Variants in NAV2 observed in about 807,000 individuals in gnomAD.
NAV2 encodes the protein helicase, APC down-regulated 1.
A neutral mutation model predicts 223.2 loss-of-function variants in NAV2; 54 were observed. The ratio of observed to expected loss-of-function variants is 0.24; its 90% CI spans 0.19 to 0.30. The LOEUF (loss-of-function observed/expected upper bound fraction) is 0.30, where lower values mean the gene tolerates loss of function less well. NAV2 is among the 10% of genes least tolerant of loss of function. The probability of loss-of-function intolerance (pLI) is 1.00; values close to 1 mark genes in which losing one functional copy is unlikely to be tolerated. For missense variants in NAV2, 2,806 were observed against 3,147.5 expected, an observed-to-expected ratio of 0.89 and a Z score of 2.60; for synonymous variants, 1,279 against 1,239.3, an observed-to-expected ratio of 1.03 and a Z score of -0.67.
At chr11:19,455,293 A>G (rs1189233643) in intron 1 of NAV2, among the ~76,000 whole-genome samples, 1 of 152,310 alleles carries the variant, frequency 6.6e-6, no homozygotes, top group East Asian at 1.9e-4. Flanking sequence ...TGGAAAAGTG[A>G]TGGGTTGGAA....
chr11:19,833,309 G>T (rs566746240), intron 2 of NAV2, among the ~76,000 whole-genome samples: 1 of 152,188 alleles, frequency 6.6e-6, no homozygotes, highest in African/African-American at 2.4e-5. Flanking sequence ...CAAGGGAGAA[G>T]GTGCAAGGAG....
chr11:20,068,285 A>G (rs781127821), intron 21 of NAV2, 39 bp from the exon 22 acceptor site: 1 of 1,610,678 alleles, frequency 6.2e-7, no homozygotes, highest in Non-Finnish European at 8.5e-7. Flanking sequence ...TTGGAAATGG[A>G]CCCCCAAAGC....
At chr11:19,467,012 CACACACAGAGAGAG>C (rs1852382750) in intron 1 of NAV2, among the ~76,000 whole-genome samples, 1 of 134,374 alleles carries the variant, frequency 7.4e-6, no homozygotes, top group Non-Finnish European at 1.6e-5. Context: ...CACACACACA[CACACACAGAGAGAG>C]AGAGAGAGAG....
At chr11:19,420,062 C>T (rs1354373946) in intron 1 of NAV2, among the ~76,000 whole-genome samples, 2 of 152,150 alleles carry the variant, frequency 1.3e-5, no homozygotes, top group Non-Finnish European at 2.9e-5. Context: ...ACTACGCCCA[C>T]GTTACTGTCT....
At chr11:19,830,092 G>A (rs1032959181) in intron 1 of NAV2, among the ~76,000 whole-genome samples, 11 of 152,134 alleles carry the variant, frequency 7.2e-5, no homozygotes, top group Non-Finnish European at 1.5e-4. Flanking sequence ...AAGCGTGGTG[G>A]CATGCACCTG....
Position 19,900,078 on chromosome 11 carries a change from A to C in NAV2, c.931+7484A>C, listed in dbSNP as rs1053020325. The stretch of plus-strand genomic sequence containing the variant: ...GTGATGTTATTATGACCTTCTAGCT[A>C]GTACCCATAGTTGTCAAAGGGCTTA... On this transcript the variant is annotated intron_variant, in intron 6 of 37. Transcript: ENST00000349880. Among the ~76,000 whole-genome samples the C allele has an allele frequency of 8.5e-5, 13 of 152,284 alleles. No homozygotes were observed. The East Asian group carries it at 2.5e-3, about 29-fold the overall frequency.
At chr11:19,926,235 A>G (rs934512780) in intron 6 of NAV2, among the ~76,000 whole-genome samples, 1 of 152,240 alleles carries the variant, frequency 6.6e-6, no homozygotes, top group African/African-American at 2.4e-5. Context: ...TAGACTTTCT[A>G]GAAGCATATG....
At chr11:19,904,873 C>T (rs553961723) in intron 6 of NAV2, among the ~76,000 whole-genome samples, 4 of 152,032 alleles carry the variant, frequency 2.6e-5, no homozygotes, top group Non-Finnish European at 5.9e-5. Context: ...CTTACAATAG[C>T]CGGTAGGTTG....
At position 20,106,642 on chromosome 11, in the gene NAV2, T is replaced by C. The variant is rs564858336; in HGVS notation, c.6841+915T>C. ...TACTCAGTTGTTGTTTTTGTTTTTGTTTTTGTTTTTGTTTTTTGAGACAGA... is the reference window on the plus strand; with the variant it reads ...TACTCAGTTGTTGTTTTTGTTTTTGCTTTTGTTTTTGTTTTTTGAGACAGA... On this transcript the variant is annotated intron_variant, in intron 35 of 37. Coordinates refer to ENST00000349880, the MANE Select transcript of NAV2 (RefSeq NM_145117.5). Among the ~76,000 whole-genome samples the C allele has an allele frequency of 1.6e-4, 25 of 151,888 alleles. No homozygotes were observed. The South Asian group carries it at 2.1e-3, about 13-fold the overall frequency.
chr11:19,687,792 TG>T (rs2049065364), intron 1 of NAV2, among the ~76,000 whole-genome samples: 2 of 152,086 alleles, frequency 1.3e-5, no homozygotes, highest in East Asian at 1.9e-4. Context: ...TGCGTGTGTG[TG>T]TGTGTGTGTG....
intron 1 of NAV2, among the ~76,000 whole-genome samples, chr11:19,485,963 T>C (rs1396639169): frequency 6.6e-6 from 1 of 152,138 alleles, no homozygotes; most frequent in African/African-American, 2.4e-5. Flanking sequence ...CAGAAATGAA[T>C]GCAAGAGCCT....
At chr11:19,608,995 T>G (rs1457840064) in intron 1 of NAV2, among the ~76,000 whole-genome samples, 1 of 152,240 alleles carries the variant, frequency 6.6e-6, no homozygotes, top group Non-Finnish European at 1.5e-5. Context: ...TTCTGCCTTC[T>G]TCTCCCATCT....
intron 1 of NAV2, among the ~76,000 whole-genome samples, chr11:19,392,169 A>G (rs1041303369): frequency 6.6e-6 from 1 of 152,230 alleles, no homozygotes; most frequent in Non-Finnish European, 1.5e-5. Flanking sequence ...ACACTTTGCC[A>G]GCTGCGTTCA....
chr11:19,982,562 CTTAG>C (rs2050397415), intron 10 of NAV2, among the ~76,000 whole-genome samples: 1 of 152,164 alleles, frequency 6.6e-6, no homozygotes. Context: ...AGCACAAACA[CTTAG>C]TCTGATTTAC....
chr11:19,907,531 A>G (rs2028610), intron 6 of NAV2, among the ~76,000 whole-genome samples: 7,797 of 31,852 alleles, frequency 0.24, 687 homozygotes, highest in African/African-American at 0.43. Flanking sequence ...TCATAGGGGG[A>G]GGGGGAATTT....
At chr11:19,704,739 G>A (rs1248564468) in intron 1 of NAV2, among the ~76,000 whole-genome samples, 3 of 152,252 alleles carry the variant, frequency 2.0e-5, no homozygotes, top group Middle Eastern at 3.4e-3. Flanking sequence ...GAGGCCGGGC[G>A]CGGTGGCTCA....
At chr11:19,397,418 T>TGTGTGTGTGTGTGTGTGTGTGTGCAC (rs57566081) in intron 1 of NAV2, among the ~76,000 whole-genome samples, 38 of 145,354 alleles carry the variant, frequency 2.6e-4, no homozygotes, top group African/African-American at 9.6e-4. Context: ...TGTGTGTGTG[T>TGTGTGTGTGTGTGTGTGTGTGTGCAC]GCGCGCATGT....
At chr11:20,009,763 C>T (rs536870596) in intron 11 of NAV2, among the ~76,000 whole-genome samples, 25 of 152,266 alleles carry the variant, frequency 1.6e-4, no homozygotes, top group South Asian at 1.2e-3. Flanking sequence ...GCTTCCCCAA[C>T]GCCCCAAACC....
chr11:20,036,204 G>A, intron 12 of NAV2, 107 bp downstream of exon 12: 1 of 1,314,784 alleles, frequency 7.6e-7, no homozygotes, highest in Non-Finnish European at 1.1e-6. Context: ...TCTCCAGGTT[G>A]ATGAGATGAG....
Sources: allele counts gnomAD v4.1 joint callset (sites outside exome capture counted in the v4.1 genomes callset), GRCh38; gene constraint gnomAD v4.1.1; transcripts MANE v1.5; gene names NCBI Gene and HGNC (gene_info 2026-07-23, HGNC 2026-07-21).